Variants in SEC22C observed in about 807,000 individuals in gnomAD.
SEC22C encodes vesicle-trafficking protein SEC22c.
SEC22C carries 29 observed loss-of-function variants against 34.7 expected under a neutral mutation model. That is an observed-to-expected ratio of 0.84 (90% CI 0.62 to 1.14). SEC22C has a LOEUF of 1.14. SEC22C is among the 50% of genes most tolerant of loss of function. The pLI is 0.00. For synonymous variants in SEC22C, 117 were observed against 132.8 expected (o/e 0.88, Z 0.82); for missense variants, 337 against 369.0 (o/e 0.91, Z 0.71).
chr3:42,590,711 G>GC, intron 1 of SEC22C: 1 of 663,478 alleles, frequency 1.5e-6, no homozygotes, highest in Non-Finnish European at 2.6e-6. Context: ...ATACGAAAAC[G>GC]CCCCCGGCGT....
Position 42,563,665 on chromosome 3 carries a change from C to CACGTCCCCGA in SEC22C, c.194_203dup (p.Ala69ArgfsTer34). 6.2e-7 allele frequency: 1 copy of CACGTCCCCGA among 1,614,048 alleles called. No homozygotes were observed. Among genetic ancestry groups the CACGTCCCCGA allele is most frequent in the Non-Finnish European group, 8.5e-7 (1 of 1,179,976 alleles). ...GGCAGGAGCAGATAGCCATGCAGGCCACGTCCCCGAAAGAAGAAAAACTGA... is the reference window on the plus strand; with the variant it reads ...GGCAGGAGCAGATAGCCATGCAGGCCACGTCCCCGAACGTCCCCGAAAGAAGAAAAACTGA... On this transcript the variant is annotated frameshift_variant, in exon 3 of 7. Coordinates refer to ENST00000264454, the MANE Select transcript of SEC22C (RefSeq NM_032970.4). LOFTEE classifies it high-confidence loss of function.
chr3:42,550,660 C>G lies in SEC22C; in HGVS notation c.*2588G>C. On this transcript the variant is annotated 3_prime_UTR_variant, in exon 7 of 7. Transcript: ENST00000264454. ...AGATGTTAACTGATATCCACACATT[C>G]GACCTGGTGTGGATAACATCTCTGG... 1.0e-6 allele frequency: 1 copy of G among 984,958 alleles called. No individual in the cohort carries two copies. Among genetic ancestry groups the G allele is most frequent in the Non-Finnish European group, 1.2e-6 (1 of 829,826 alleles). 61.0% of individuals were successfully genotyped at this position (984,958 alleles called of 1,614,324 possible). A position where few individuals can be genotyped will look rare whatever the true frequency, so the allele number is the denominator to read the frequency against.
rs1224039700 is a variant in SEC22C, at chr3:42,600,907, C to T, written c.-28+53G>A. ...TGAGGCACCGTGGCGCGGACTTCGT[C>T]TCAGCCCCGCCCTCGCCCCTGCCCT... is the stretch of plus-strand genomic sequence containing the variant. On this transcript the variant is annotated intron_variant, in intron 1 of 6. Transcript: ENST00000417572. The T allele has an allele frequency of 7.5e-6, 7 of 929,894 alleles. 1 individual carries two copies. In the Admixed American group the frequency reaches 1.5e-4, roughly 20 times the overall value. 57.6% of individuals were successfully genotyped at this position (929,894 alleles called of 1,614,324 possible).
intron 1 of SEC22C, among the ~76,000 whole-genome samples, chr3:42,599,843 A>G (rs1202570960): frequency 6.6e-6 from 1 of 152,264 alleles, no homozygotes; most frequent in African/African-American, 2.4e-5. Context: ...TGTAAAACAT[A>G]TATGAGAACA....
chr3:42,586,424 T>C (rs546446723), upstream of SEC22C, among the ~76,000 whole-genome samples: 5 of 152,218 alleles, frequency 3.3e-5, no homozygotes, highest in African/African-American at 4.8e-5. Flanking sequence ...GGTTTCAACA[T>C]GTTAGCCAGG....
intron 1 of SEC22C, among the ~76,000 whole-genome samples, chr3:42,570,007 C>T (rs1703516603): frequency 6.6e-6 from 1 of 152,176 alleles, no homozygotes; most frequent in Non-Finnish European, 1.5e-5. Flanking sequence ...ATAAGTCTTT[C>T]CAATAGGATG....
rs1703051342 is a variant in SEC22C, at chr3:42,563,550, A to C, written c.319T>G (p.Ser107Ala). 3.1e-6 allele frequency: 5 copies of C among 1,613,738 alleles called. No individual in the cohort carries two copies. Among genetic ancestry groups the C allele is most frequent in the African/African-American group, 2.7e-5 (2 of 74,936 alleles). ...AACTCAAGAAAAGCGTATGGCCTGGAGGCTAGGCCAATGCAGGTAGTGTCA... is the reference window on the plus strand; with the variant it reads ...AACTCAAGAAAAGCGTATGGCCTGGCGGCTAGGCCAATGCAGGTAGTGTCA... Reference protein sequence around the residue: ...SYDTTCIGLASRPYAFLEFDS... With the variant: ...SYDTTCIGLAARPYAFLEFDS... The change falls in exon 3 of 7, where the codon TCC becomes GCC. Residue 107 changes from serine to alanine, a missense_variant. Physicochemically the swap from Ser to Ala is moderately conservative, Grantham distance 99. Transcript: ENST00000264454.
Position 42,549,196 on chromosome 3 carries a change from A to C in SEC22C, c.*4052T>G. 3.0e-6 allele frequency: 3 copies of C among 986,732 alleles called. No homozygotes were observed. The highest frequency in any genetic ancestry group is 3.6e-6 in the Non-Finnish European group (3 of 830,754). The allele number at this position is 986,732 out of a possible 1,614,324, so 61.1% of individuals were successfully genotyped here. ...CAGACCTGTGCAATATTCTACACGAAAACATTTGGAATGTGAGCAATGTCT... is the reference window on the plus strand; with the variant it reads ...CAGACCTGTGCAATATTCTACACGACAACATTTGGAATGTGAGCAATGTCT... On this transcript the variant is annotated 3_prime_UTR_variant, in exon 7 of 7. Coordinates refer to ENST00000264454, the MANE Select transcript of SEC22C (RefSeq NM_032970.4).
Position 42,550,022 on chromosome 3 carries a change from G to GT in SEC22C, c.*3225dup, listed in dbSNP as rs1702170177. 1 of 985,468 alleles carries GT rather than the reference G, an allele frequency of 1.0e-6. No individual in the cohort carries two copies. Among genetic ancestry groups the GT allele is most frequent in the African/African-American group, 1.7e-5 (1 of 57,354 alleles). The allele number at this position is 985,468 out of a possible 1,614,324, so 61.0% of individuals were successfully genotyped here. Reference sequence around the variant, plus strand: ...AAAGCCAGGTACACTTCTCATCACAGTAAGACTAGCCTAACAGGGGAAAAC... The same window carrying GT: ...AAAGCCAGGTACACTTCTCATCACAGTTAAGACTAGCCTAACAGGGGAAAAC... On this transcript the variant is annotated 3_prime_UTR_variant, in exon 7 of 7. Transcript: ENST00000264454.
intron 1 of SEC22C, among the ~76,000 whole-genome samples, chr3:42,572,157 G>A (rs1195437836): frequency 6.7e-6 from 1 of 149,892 alleles, no homozygotes; most frequent in East Asian, 1.9e-4. Context: ...TTGTTTGTTT[G>A]TCTCACATAT....
intron 6 of SEC22C, among the ~76,000 whole-genome samples, chr3:42,555,141 C>T (rs1702455354): frequency 6.6e-6 from 1 of 151,988 alleles, no homozygotes; most frequent in East Asian, 1.9e-4. Flanking sequence ...GTCAGGAGAT[C>T]GAGACCATCC....
intron 1 of SEC22C, among the ~76,000 whole-genome samples, chr3:42,589,423 G>T (rs1019578777): frequency 6.6e-6 from 1 of 152,136 alleles, no homozygotes; most frequent in Admixed American, 6.5e-5. Flanking sequence ...CCCTTTTTAG[G>T]AGTGTAGGTT....
intron 1 of SEC22C, chr3:42,594,318 C>A: frequency 1.3e-6 from 1 of 781,180 alleles, no homozygotes; most frequent in South Asian, 1.6e-5. Flanking sequence ...ATCATCCAGT[C>A]AGTGGATGAG....
At chr3:42,572,555 T>C (rs1703709385) in intron 1 of SEC22C, among the ~76,000 whole-genome samples, 1 of 152,130 alleles carries the variant, frequency 6.6e-6, no homozygotes, top group African/African-American at 2.4e-5. Context: ...TCCCAGGCAA[T>C]GATGAGCAGC....
Position 42,563,691 on chromosome 3 carries a change from A to C in SEC22C, c.183-5T>G. The stretch of plus-strand genomic sequence containing the variant: ...ACGTCCCCGAAAGAAGAAAAACTGA[A>C]ACAAAAGGGCAATATCTGTATTACC... On this transcript the variant is annotated splice_polypyrimidine_tract_variant and splice_region_variant and intron_variant, in intron 2 of 6. Transcript: ENST00000264454. 1 of 1,613,782 alleles carries C rather than the reference A, an allele frequency of 6.2e-7. No homozygotes were observed.
chr3:42,555,528 C>T (rs1295247224), intron 6 of SEC22C, among the ~76,000 whole-genome samples: 3 of 152,142 alleles, frequency 2.0e-5, no homozygotes, highest in African/African-American at 7.2e-5. Flanking sequence ...ACAGATGCTA[C>T]TTTTATAGAA....
chr3:42,550,090 AC>A lies in SEC22C; in HGVS notation c.*3157del. 2 of 985,392 alleles carry A rather than the reference AC, an allele frequency of 2.0e-6. No homozygotes were observed. The highest frequency in any genetic ancestry group is 1.2e-6 in the Non-Finnish European group (1 of 829,934). 61.0% of individuals were successfully genotyped at this position (985,392 alleles called of 1,614,324 possible). A position where few individuals can be genotyped will look rare whatever the true frequency, so the allele number is the denominator to read the frequency against. ...TCATTAGCATATTAGGGAAGGGGAA[AC>A]CTTTTGGGCTCTGGCCCCGTGGTTG... On this transcript the variant is annotated 3_prime_UTR_variant, in exon 7 of 7. Transcript: ENST00000264454.
chr3:42,565,478 A>G (rs1273868723), intron 2 of SEC22C, among the ~76,000 whole-genome samples: 2 of 152,158 alleles, frequency 1.3e-5, no homozygotes, highest in Non-Finnish European at 2.9e-5. Context: ...TGTCCCCCCA[A>G]AAAGATTTAC....
At chr3:42,557,777 C>T (rs1702618830) in intron 4 of SEC22C, 81 bp from the exon 5 acceptor site, 4 of 678,068 alleles carry the variant, frequency 5.9e-6, no homozygotes. Flanking sequence ...TTAACTAGAC[C>T]TACACTAATG....
Sources: allele counts gnomAD v4.1 joint callset (sites outside exome capture counted in the v4.1 genomes callset), GRCh38; gene constraint gnomAD v4.1.1; transcripts MANE v1.5; gene names NCBI Gene and HGNC (gene_info 2026-07-23, HGNC 2026-07-21).